ARHGEF7: variants seen among roughly 807,000 people sequenced by gnomAD.
The protein encoded by ARHGEF7 is PAK-interacting exchange factor beta.
ARHGEF7 carries 33 observed loss-of-function variants against 109.8 expected under a neutral mutation model. That is an observed-to-expected ratio of 0.30 (90% CI 0.23 to 0.40). ARHGEF7 has a LOEUF of 0.40. Among genes scored for constraint, ARHGEF7 ranks in the 10% least tolerant of loss-of-function variants. The pLI, the probability that ARHGEF7 is intolerant of heterozygous loss-of-function variation, is 1.00. For synonymous variants in ARHGEF7, 458 were observed against 424.6 expected (o/e 1.08, Z -0.97); for missense variants, 938 against 1,098.5 (o/e 0.85, Z 2.07).
At chr13:111,247,301 C>T (rs891317631) in intron 8 of ARHGEF7, among the ~76,000 whole-genome samples, 1 of 150,414 alleles carries the variant, frequency 6.6e-6, no homozygotes, top group Non-Finnish European at 1.5e-5. Flanking sequence ...CAGAATCTTG[C>T]TCTGTTGCCC....
At chr13:111,177,039 G>T (rs1480515147) in intron 2 of ARHGEF7, among the ~76,000 whole-genome samples, 1 of 152,270 alleles carries the variant, frequency 6.6e-6, no homozygotes, top group Non-Finnish European at 1.5e-5. Flanking sequence ...TTACAGGCGT[G>T]AGCCACCGCG....
rs1231345990 is a variant in ARHGEF7 at position 111,241,059 on chromosome 13, T to TC, written c.760-2812dup. ...GTGAGTCCTCTTTGTTTTGCTGTGC[T>TC]CTGAGGCGGGCAGCATAGGGATTGA... is the stretch of plus-strand genomic sequence containing the variant. On this transcript the variant is annotated intron_variant, in intron 6 of 21. Coordinates refer to ENST00000646102, the MANE Select transcript of ARHGEF7 (RefSeq NM_001354046.2). 6.7e-6 allele frequency: 9 copies of TC among 1,342,232 alleles called. No individual in the cohort carries two copies. The Admixed American group carries it at 2.4e-4, about 35-fold the overall frequency. 83.1% of individuals were successfully genotyped at this position (1,342,232 alleles called of 1,614,324 possible).
chr13:111,171,736 G>C (rs541146986), intron 2 of ARHGEF7, among the ~76,000 whole-genome samples: 36 of 152,324 alleles, frequency 2.4e-4, no homozygotes, highest in African/African-American at 8.7e-4. Context: ...TGGCTGCCAT[G>C]GTCTGAATGT....
chr13:111,243,446 A>G (rs1380668823), intron 6 of ARHGEF7, among the ~76,000 whole-genome samples: 1 of 152,132 alleles, frequency 6.6e-6, no homozygotes, highest in Non-Finnish European at 1.5e-5. Flanking sequence ...GTCACCATAG[A>G]TTAGTTTTGT....
chr13:111,286,458 G>C (rs987561351), intron 17 of ARHGEF7, among the ~76,000 whole-genome samples: 17 of 152,112 alleles, frequency 1.1e-4, no homozygotes, highest in Admixed American at 9.8e-4. Context: ...TGCCAGTCCC[G>C]GCACCACTGC....
At chr13:111,197,859 GCAGGACTAGCCT>G (rs1027013354) in intron 2 of ARHGEF7, among the ~76,000 whole-genome samples, 51 of 152,238 alleles carry the variant, frequency 3.4e-4, no homozygotes, top group Admixed American at 9.8e-4. Flanking sequence ...GTTTTTAGAA[GCAGGACTAGCCT>G]CAGAGAAGAG....
chr13:111,203,231 C>T, intron 2 of ARHGEF7: 1 of 512,188 alleles, frequency 2.0e-6, no homozygotes, highest in Non-Finnish European at 2.9e-6. Flanking sequence ...GAAAGACATT[C>T]AGATCTCCTA....
At chr13:111,277,764 A>G (rs137980937) in intron 13 of ARHGEF7, 91 bp downstream of exon 13, 24 of 873,992 alleles carry the variant, frequency 2.7e-5, no homozygotes, top group Admixed American at 1.1e-4. Context: ...ACGTGTATCT[A>G]TCTGTGTATG....
rs1344885553 is a variant in ARHGEF7, at chr13:111,137,302, G to A, written c.166-16603G>A. On this transcript the variant is annotated intron_variant, in intron 1 of 21. Coordinates refer to ENST00000646102, the MANE Select transcript of ARHGEF7 (RefSeq NM_001354046.2). ...GCAGTGCTGGTGCTGCTGGTCCTGG[G>A]GCCATGATTGAGAATCACTGACCTA... is the stretch of plus-strand genomic sequence containing the variant. Among the ~76,000 whole-genome samples the A allele has an allele frequency of 6.6e-5, 10 of 152,292 alleles. No homozygotes were observed. In the South Asian group the frequency reaches 1.2e-3, roughly 19 times the overall value.
Position 111,244,236 on chromosome 13 carries a change from C to G in ARHGEF7, c.892C>G (p.Leu298Val). 1.2e-6 allele frequency: 2 copies of G among 1,609,740 alleles called. No homozygotes were observed. Among genetic ancestry groups the G allele is most frequent in the Non-Finnish European group, 1.7e-6 (2 of 1,178,304 alleles). ...SANISYLMGN[L>V]EEICSFQQML... The stretch of plus-strand genomic sequence containing the variant: ...AAACATTTCATATTTAATGGGAAAT[C>G]TAGAAGAAATATGTTCTTTCCAGCA... The change falls in exon 8 of 22, where the codon CTA becomes GTA. Residue 298 changes from leucine to valine, a missense_variant. By Grantham distance (32) the Leu-to-Val change is conservative. This residue lies in a region of ARHGEF7 where 585 missense variants were observed against 723.6 expected (regional missense o/e 0.81). Transcript: ENST00000646102.
Position 111,231,559 on chromosome 13 carries a change from A to G in ARHGEF7, c.671-1646A>G, listed in dbSNP as rs186442208. ...GGAGGATCCAAAGTTAAGGAGCATGAGGTTGGTTCGGGGCATTCTGGGTTT... is the reference window on the plus strand; with the variant it reads ...GGAGGATCCAAAGTTAAGGAGCATGGGGTTGGTTCGGGGCATTCTGGGTTT... On this transcript the variant is annotated intron_variant, in intron 5 of 21. Transcript: ENST00000646102. Among the ~76,000 whole-genome samples, 500 of 151,168 alleles carry G rather than the reference A, an allele frequency of 3.3e-3. 4 individuals are homozygous for G. Among genetic ancestry groups the G allele is most frequent in the Non-Finnish European group, 5.9e-3 (399 of 68,010 alleles).
In ARHGEF7 at chr13:111,231,934, C is replaced by T. The variant is rs928740796; in HGVS notation, c.671-1271C>T. Among the ~76,000 whole-genome samples the T allele has an allele frequency of 3.9e-5, 6 of 152,296 alleles. No homozygotes were observed. In the South Asian group the frequency reaches 1.2e-3, roughly 32 times the overall value. The stretch of plus-strand genomic sequence containing the variant: ...GGGAAGAATGTGGGAAAAAACCTCT[C>T]CCTTTCCTTTGTCCCCACTAGCCCC... On this transcript the variant is annotated intron_variant, in intron 5 of 21. Transcript: ENST00000646102.
chr13:111,244,210 C>G lies in ARHGEF7; in HGVS notation c.866C>G (p.Ala289Gly). 1 of 1,604,372 alleles carries G rather than the reference C, an allele frequency of 6.2e-7. No homozygotes were observed. The stretch of plus-strand genomic sequence containing the variant: ...TTTCTTGGCTCTAGGTTAAGTTCAG[C>G]AAACATTTCATATTTAATGGGAAAT... ...PLQTSEKLSS[A>G]NISYLMGNLE... The change falls in exon 8 of 22, where the codon GCA becomes GGA. Residue 289 changes from alanine (A) to glycine (G), a missense_variant. Transcript: ENST00000646102.
At position 111,270,965 on chromosome 13, in the gene ARHGEF7, G is replaced by A. The variant is rs376629456; in HGVS notation, c.1074-2849G>A. Among the ~76,000 whole-genome samples the A allele has an allele frequency of 5.3e-5, 8 of 152,210 alleles. No homozygotes were observed. In the East Asian group the frequency reaches 1.3e-3, roughly 26 times the overall value. ...CTGGGCGGAGGGGAGGGATGTGTGT[G>A]TGCGGAACAGGCTGCCCGTGGTCAG... is the stretch of plus-strand genomic sequence containing the variant. On this transcript the variant is annotated intron_variant, in intron 9 of 21. Transcript: ENST00000646102.
At chr13:111,120,347 G>C (rs1043374884) in intron 1 of ARHGEF7, among the ~76,000 whole-genome samples, 1 of 152,184 alleles carries the variant, frequency 6.6e-6, no homozygotes, top group Non-Finnish European at 1.5e-5. Flanking sequence ...ACACAGGAGA[G>C]CACACACACA....
intron 2 of ARHGEF7, among the ~76,000 whole-genome samples, chr13:111,157,782 G>T (rs778608056): frequency 1.3e-5 from 2 of 152,188 alleles, no homozygotes; most frequent in African/African-American, 4.8e-5. Context: ...TGTAGGATGT[G>T]TATGTGTGCA....
chr13:111,151,004 G>T (rs2075861658), intron 1 of ARHGEF7, among the ~76,000 whole-genome samples: 1 of 152,208 alleles, frequency 6.6e-6, no homozygotes, highest in Non-Finnish European at 1.5e-5. Flanking sequence ...TACCGCCAAT[G>T]GACTGGCATG....
At position 111,129,751 on chromosome 13, in the gene ARHGEF7, C is replaced by A. The variant is rs118083025; in HGVS notation, c.165+14060C>A. Among the ~76,000 whole-genome samples, 725 of 152,290 alleles carry A rather than the reference C, an allele frequency of 4.8e-3. 6 individuals carry two copies. The highest frequency in any genetic ancestry group is 0.018 in the South Asian group (89 of 4,818). Reference sequence around the variant, plus strand: ...AAGTGTTAGCGTGTATGTGAGGGAACCAGCACTCTCATGCACTGACAGTGG... The same window carrying A: ...AAGTGTTAGCGTGTATGTGAGGGAAACAGCACTCTCATGCACTGACAGTGG... On this transcript the variant is annotated intron_variant, in intron 1 of 21. Transcript: ENST00000646102.
At position 111,228,909 on chromosome 13, in the gene ARHGEF7, A is replaced by G. The variant is rs1248232178; in HGVS notation, c.671-4296A>G. On this transcript the variant is annotated intron_variant, in intron 5 of 21. Coordinates refer to ENST00000646102, the MANE Select transcript of ARHGEF7 (RefSeq NM_001354046.2). This position sits in a 1 kb window ranked among gnomAD's most constrained non-coding sequence, Gnocchi z 4.6. ...CTCTGGACTTTGCTGGGTTGGTGACACGTCACAAATGAAAGCGTAACCACT... is the reference window on the plus strand; with the variant it reads ...CTCTGGACTTTGCTGGGTTGGTGACGCGTCACAAATGAAAGCGTAACCACT... Among the ~76,000 whole-genome samples the G allele has an allele frequency of 6.6e-6, 1 of 152,064 alleles. No homozygotes were observed. Among genetic ancestry groups the G allele is most frequent in the Non-Finnish European group, 1.5e-5 (1 of 68,016 alleles).
Sources: allele counts gnomAD v4.1 joint callset (sites outside exome capture counted in the v4.1 genomes callset), GRCh38; gene constraint gnomAD v4.1.1; regional missense constraint gnomAD v4.1.1; non-coding constraint Gnocchi (gnomAD v3.1); transcripts MANE v1.5; gene names NCBI Gene and HGNC (gene_info 2026-07-23, HGNC 2026-07-21).